Variants in ADGRL2 observed in about 807,000 individuals in gnomAD.
ADGRL2 encodes the protein adhesion G protein-coupled receptor L2, also known as calcium-independent alpha-latrotoxin receptor 2.
Under a neutral mutation model 157.4 loss-of-function variants are expected in ADGRL2, and 44 were observed. The observed-to-expected ratio is 0.28, with a 90% confidence interval of 0.22 to 0.36. ADGRL2 has a LOEUF of 0.36. Among genes scored for constraint, ADGRL2 ranks in the 10% least tolerant of loss-of-function variants. The pLI, the probability that ADGRL2 is intolerant of heterozygous loss-of-function variation, is 1.00. For missense variants in ADGRL2, 1,510 were observed against 1,768.9 expected, an observed-to-expected ratio of 0.85 and a Z score of 2.63; for synonymous variants, 585 against 624.7, an observed-to-expected ratio of 0.94 and a Z score of 0.95.
chr1:81,838,069 C>T (rs967547919), intron 2 of ADGRL2, among the ~76,000 whole-genome samples: 6 of 151,634 alleles, frequency 4.0e-5, no homozygotes, highest in Admixed American at 3.3e-4. Flanking sequence ...TCACTTATAC[C>T]GATTATTAAA....
intron 1 of ADGRL2, among the ~76,000 whole-genome samples, chr1:81,751,484 A>G (rs2149267742): frequency 6.6e-6 from 1 of 152,336 alleles, no homozygotes; most frequent in Admixed American, 6.5e-5. Flanking sequence ...GGAGCATCTT[A>G]CAAAACAAAC....
intron 9 of ADGRL2, among the ~76,000 whole-genome samples, chr1:81,952,597 A>G (rs1224555098): frequency 1.3e-5 from 2 of 152,112 alleles, no homozygotes; most frequent in Non-Finnish European, 2.9e-5. Context: ...CCAGGAATAT[A>G]TTGTTATCAG....
chr1:81,342,774 A>T (rs1662167443), intron 1 of ADGRL2, among the ~76,000 whole-genome samples: 1 of 150,392 alleles, frequency 6.6e-6, no homozygotes, highest in South Asian at 2.1e-4. Flanking sequence ...CTTATAGGTG[A>T]AAAAATCAAG....
At chr1:81,931,371 A>G (rs1162371964) in intron 3 of ADGRL2, among the ~76,000 whole-genome samples, 2 of 152,178 alleles carry the variant, frequency 1.3e-5, no homozygotes, top group African/African-American at 2.4e-5. Flanking sequence ...TGGAATTCTC[A>G]GGTTGAGTGT....
At chr1:81,582,681 C>T (rs991469725) in intron 3 of ADGRL2, among the ~76,000 whole-genome samples, 2 of 152,044 alleles carry the variant, frequency 1.3e-5, no homozygotes, top group African/African-American at 2.4e-5. Flanking sequence ...ACCAATTTGC[C>T]AATGATGTCA....
At chr1:81,593,694 G>T (rs959632257) in intron 3 of ADGRL2, among the ~76,000 whole-genome samples, 1 of 152,130 alleles carries the variant, frequency 6.6e-6, no homozygotes, top group South Asian at 2.1e-4. Flanking sequence ...AAAAATTCAC[G>T]TCTCTTTCCT....
At chr1:81,721,920 G>A (rs754648160) in intron 1 of ADGRL2, 1 of 693,476 alleles carries the variant, frequency 1.4e-6, no homozygotes, top group Non-Finnish European at 2.7e-6. Context: ...ACCATCAAGT[G>A]AGGAAAGTGA....
chr1:81,886,579 G>C (rs1157218953), intron 2 of ADGRL2, among the ~76,000 whole-genome samples: 2 of 152,076 alleles, frequency 1.3e-5, no homozygotes, highest in Admixed American at 1.3e-4. Flanking sequence ...TAACCATTAG[G>C]TAATTTTGTA....
intron 2 of ADGRL2, among the ~76,000 whole-genome samples, chr1:81,837,516 A>T (rs1055861415): frequency 6.6e-6 from 1 of 151,542 alleles, no homozygotes; most frequent in Non-Finnish European, 1.5e-5. Flanking sequence ...TATGTTGTTT[A>T]TATCTTTAGC....
intron 1 of ADGRL2, among the ~76,000 whole-genome samples, chr1:81,749,253 T>A (rs1046149620): frequency 2.0e-5 from 3 of 152,130 alleles, no homozygotes; most frequent in African/African-American, 4.8e-5. Flanking sequence ...GTTTGCTACA[T>A]ATTTGGCCCA....
chr1:81,650,000 A>T (rs1033516231), intron 3 of ADGRL2, among the ~76,000 whole-genome samples: 1 of 151,982 alleles, frequency 6.6e-6, no homozygotes, highest in African/African-American at 2.4e-5. Context: ...AATTTATACA[A>T]TTATACCAAG....
chr1:81,984,537 C>CA (rs768653138), intron 19 of ADGRL2, 46 bp from the exon 20 acceptor site: 1 of 1,439,536 alleles, frequency 6.9e-7, no homozygotes, highest in Non-Finnish European at 9.3e-7. Flanking sequence ...GAGAGAGAAG[C>CA]AAGTGTGTTA....
intron 1 of ADGRL2, among the ~76,000 whole-genome samples, chr1:81,709,262 G>T (rs2083844461): frequency 6.6e-6 from 1 of 152,128 alleles, no homozygotes; most frequent in Admixed American, 6.5e-5. Flanking sequence ...CCTAATGGGA[G>T]ACAAGATCCA....
chr1:81,856,415 C>G (rs978483270), intron 2 of ADGRL2, among the ~76,000 whole-genome samples: 3 of 152,104 alleles, frequency 2.0e-5, no homozygotes, highest in Non-Finnish European at 2.9e-5. Flanking sequence ...GAAGCCACAG[C>G]CTACATTGGT....
chr1:81,601,372 T>C (rs1251693968), intron 3 of ADGRL2, among the ~76,000 whole-genome samples: 1 of 152,206 alleles, frequency 6.6e-6, no homozygotes, highest in Non-Finnish European at 1.5e-5. Flanking sequence ...ATGCTGACTC[T>C]TCAGTCAGAG....
At chr1:81,958,205 C>T (rs974483210) in intron 11 of ADGRL2, among the ~76,000 whole-genome samples, 3 of 151,872 alleles carry the variant, frequency 2.0e-5, no homozygotes, top group East Asian at 1.9e-4. Flanking sequence ...TGCAGTGAGC[C>T]GTGATCACGC....
At chr1:81,374,160 C>T (rs2076206648) in intron 1 of ADGRL2, among the ~76,000 whole-genome samples, 1 of 152,104 alleles carries the variant, frequency 6.6e-6, no homozygotes, top group Non-Finnish European at 1.5e-5. Context: ...TACGTGGAGA[C>T]ATGTGATACA....
chr1:81,669,478 G>A (rs1197701137), intron 3 of ADGRL2, among the ~76,000 whole-genome samples: 1 of 68,620 alleles, frequency 1.5e-5, no homozygotes, highest in African/African-American at 5.0e-5. Context: ...CATTGAACAA[G>A]TATTTATTAT....
At chr1:81,863,338 T>C (rs1261967277) in intron 2 of ADGRL2, among the ~76,000 whole-genome samples, 1 of 152,194 alleles carries the variant, frequency 6.6e-6, no homozygotes, top group African/African-American at 2.4e-5. Context: ...CTTGGTTGCT[T>C]GGTTGTGGCA....
Sources: gnomAD v4.1 joint callset for allele counts (sites outside exome capture counted in the v4.1 genomes callset) on GRCh38, gnomAD v4.1.1 for gene constraint, MANE v1.5 for transcripts, NCBI Gene and HGNC (gene_info 2026-07-23, HGNC 2026-07-21) for gene names.